The following RBFOX1 variants were observed in gnomAD, a reference collection of about 807,000 sequenced individuals.
RBFOX1 encodes the protein RNA binding fox-1 homolog 1.
Under a neutral mutation model 57.7 loss-of-function variants are expected in RBFOX1, and 8 were observed. That is an observed-to-expected ratio of 0.14 (90% confidence interval 0.08 to 0.25). The LOEUF is 0.25. RBFOX1 is among the 10% of genes least tolerant of loss of function. RBFOX1 has a pLI of 1.00. For synonymous variants in RBFOX1, 326 were observed against 222.4 expected (o/e 1.47, Z -4.15); for missense variants, 611 against 548.5 (o/e 1.11, Z -1.14).
chr16:7,004,281 A>G (rs1159432972), intron 3 of RBFOX1, among the ~76,000 whole-genome samples: 4 of 152,204 alleles, frequency 2.6e-5, no homozygotes, highest in African/African-American at 7.2e-5. Flanking sequence ...TTATATATTA[A>G]TTAGATTAAA....
chr16:6,062,414 C>T (rs973127186), intron 1 of RBFOX1, among the ~76,000 whole-genome samples: 1 of 151,996 alleles, frequency 6.6e-6, no homozygotes, highest in Non-Finnish European at 1.5e-5. Flanking sequence ...AGCCATCAGT[C>T]ATCTCATTAA....
intron 3 of RBFOX1, among the ~76,000 whole-genome samples, chr16:7,018,111 C>G (rs532262888): frequency 2.6e-5 from 4 of 152,212 alleles, no homozygotes; most frequent in Admixed American, 6.5e-5. Flanking sequence ...TGTGGAGCAT[C>G]TAGGTCTTAG....
chr16:6,730,132 G>C (rs1366855907), intron 3 of RBFOX1, among the ~76,000 whole-genome samples: 1 of 152,088 alleles, frequency 6.6e-6, no homozygotes, highest in Non-Finnish European at 1.5e-5. Context: ...TTTGACTTAA[G>C]TATTTGCTTC....
intron 2 of RBFOX1, among the ~76,000 whole-genome samples, chr16:6,626,525 C>G (rs998278824): frequency 6.6e-6 from 1 of 152,078 alleles, no homozygotes; most frequent in Non-Finnish European, 1.5e-5. Context: ...TTTGGGAGGC[C>G]GAGGCAGGCG....
chr16:5,561,959 G>A (rs888089472), intron 2 of RBFOX1, among the ~76,000 whole-genome samples: 2 of 152,136 alleles, frequency 1.3e-5, no homozygotes, highest in African/African-American at 4.8e-5. Context: ...CCTGTCATCG[G>A]TTCATTCATT....
chr16:6,777,827 C>G (rs1461491661), intron 3 of RBFOX1, among the ~76,000 whole-genome samples: 1 of 152,074 alleles, frequency 6.6e-6, no homozygotes, highest in Admixed American at 6.6e-5. Flanking sequence ...TTTCCAGTTT[C>G]ATTTTCACTT....
chr16:6,324,380 T>C (rs1359335119), intron 2 of RBFOX1, among the ~76,000 whole-genome samples: 1 of 152,140 alleles, frequency 6.6e-6, no homozygotes, highest in African/African-American at 2.4e-5. Flanking sequence ...AGAAAAGATA[T>C]TTAATTGGCT....
chr16:5,273,642 A>C (rs2151129900), intron 1 of RBFOX1, among the ~76,000 whole-genome samples: 1 of 152,220 alleles, frequency 6.6e-6, no homozygotes, highest in Admixed American at 6.5e-5. Flanking sequence ...AGCCAAGATG[A>C]AGAGAAGGTT....
intron 4 of RBFOX1, among the ~76,000 whole-genome samples, chr16:7,439,093 C>T (rs878917321): frequency 6.6e-6 from 1 of 152,206 alleles, no homozygotes. Flanking sequence ...TCAGTGTGCA[C>T]AGAGGAGCAT....
In RBFOX1 at chr16:5,907,721, TATCATCATC is replaced by T. The variant is rs34447124; in HGVS notation, c.351+40422_351+40430del. ...AAGACGCGAACTCAAGGAGACTATT[TATCATCATC>T]ATCATCATCATCATCATCATCATCA... On this transcript the variant is annotated intron_variant, in intron 4 of 19. Coordinates refer to the RBFOX1 transcript ENST00000641259. 2.1e-3 allele frequency among the ~76,000 whole-genome samples: 308 copies of T among 146,216 alleles called. 1 individual carries two copies. The highest frequency in any genetic ancestry group is 7.0e-3 in the African/African-American group (270 of 38,650).
At chr16:6,858,862 C>G (rs1432701480) in intron 3 of RBFOX1, among the ~76,000 whole-genome samples, 3 of 151,812 alleles carry the variant, frequency 2.0e-5, no homozygotes, top group Non-Finnish European at 4.4e-5. Flanking sequence ...AACTCAGACT[C>G]GTAGCTATTT....
intron 1 of RBFOX1, among the ~76,000 whole-genome samples, chr16:6,292,956 C>T (rs553218888): frequency 6.6e-6 from 1 of 152,158 alleles, no homozygotes; most frequent in Non-Finnish European, 1.5e-5. Flanking sequence ...CAGTGATATA[C>T]CGTAGGCTAG....
chr16:5,985,869 C>G (rs1296025284), intron 4 of RBFOX1, among the ~76,000 whole-genome samples: 2 of 152,142 alleles, frequency 1.3e-5, no homozygotes, highest in Non-Finnish European at 2.9e-5. Context: ...AATGGCTTGG[C>G]CATCACACTT....
intron 2 of RBFOX1, among the ~76,000 whole-genome samples, chr16:6,633,271 CTTTATT>C (rs928014652): frequency 3.3e-5 from 5 of 151,886 alleles, no homozygotes; most frequent in African/African-American, 1.2e-4. Context: ...GTTCTTGAGT[CTTTATT>C]TTTATTTTAT....
At chr16:7,370,727 C>T (rs1243071172) in intron 4 of RBFOX1, among the ~76,000 whole-genome samples, 7 of 152,164 alleles carry the variant, frequency 4.6e-5, no homozygotes, top group Non-Finnish European at 1.0e-4. Context: ...GCCAGTTTTC[C>T]TGTTTAGGTA....
At chr16:5,458,265 C>T (rs929225971) in intron 1 of RBFOX1, among the ~76,000 whole-genome samples, 2 of 152,006 alleles carry the variant, frequency 1.3e-5, no homozygotes, top group African/African-American at 4.8e-5. Context: ...GCATGTGCTG[C>T]ATGTAGTCAT....
chr16:7,227,295 C>CCCCG (rs1567795291), intron 4 of RBFOX1, among the ~76,000 whole-genome samples: 1 of 135,640 alleles, frequency 7.4e-6, no homozygotes, highest in African/African-American at 2.5e-5. Context: ...ACCCCACCCC[C>CCCCG]ACACACACAC....
intron 3 of RBFOX1, among the ~76,000 whole-genome samples, chr16:6,676,473 C>G (rs944721403): frequency 6.6e-6 from 1 of 151,910 alleles, no homozygotes; most frequent in Non-Finnish European, 1.5e-5. Context: ...GCAGAAAGGT[C>G]CTGAATGGGG....
intron 4 of RBFOX1, among the ~76,000 whole-genome samples, chr16:7,148,632 T>A (rs1438055346): frequency 6.6e-6 from 1 of 152,240 alleles, no homozygotes; most frequent in East Asian, 1.9e-4. Context: ...GTACTTGTGA[T>A]AAATTCCAGT....
Sources: allele counts gnomAD v4.1 joint callset (sites outside exome capture counted in the v4.1 genomes callset), GRCh38; gene constraint gnomAD v4.1.1; transcripts MANE v1.5; gene names NCBI Gene and HGNC (gene_info 2026-07-23, HGNC 2026-07-21).